Variants in SYT12 observed in about 807,000 individuals in gnomAD.
The protein encoded by SYT12 is synaptotagmin-12.
In SYT12, 27 loss-of-function variants were observed where a neutral mutation model predicts 39.5. The ratio of observed to expected loss-of-function variants is 0.68; its 90% CI spans 0.50 to 0.94. The LOEUF is 0.94. SYT12 is among the 40% of genes least tolerant of loss of function. The probability of loss-of-function intolerance (pLI) is 0.00; values close to 1 mark genes in which losing one functional copy is unlikely to be tolerated. For missense variants in SYT12, 536 were observed against 572.6 expected, an observed-to-expected ratio of 0.94 and a Z score of 0.65; for synonymous variants, 233 against 239.7, an observed-to-expected ratio of 0.97 and a Z score of 0.26.
At chr11:67,022,351 G>GTT (rs942379840), upstream of SYT12, among the ~76,000 whole-genome samples, 32 of 151,736 alleles carry the variant, frequency 2.1e-4, no homozygotes, top group African/African-American at 6.1e-4. Flanking sequence ...ACCCCAGACC[G>GTT]TTGGAGAGGT....
At chr11:67,008,658 C>T (rs796320369) in intron 1 of SYT12, among the ~76,000 whole-genome samples, 2 of 152,234 alleles carry the variant, frequency 1.3e-5, no homozygotes, top group African/African-American at 4.8e-5. Context: ...TCAAGTGATT[C>T]TCCCACCTCA....
intron 7 of SYT12, among the ~76,000 whole-genome samples, chr11:67,046,905 G>A (rs531460589): frequency 6.6e-6 from 1 of 152,110 alleles, no homozygotes; most frequent in Non-Finnish European, 1.5e-5. Context: ...CTGACTGTGC[G>A]CAGGTGCCGT....
intron 7 of SYT12, 114 bp downstream of exon 7, chr11:67,045,991 C>CAAA (rs1854536285): frequency 8.7e-6 from 12 of 1,386,204 alleles, no homozygotes; most frequent in Non-Finnish European, 1.2e-5. Flanking sequence ...TTGCCTCCAG[C>CAAA]CATCACTTTC....
At chr11:67,009,484 G>A (rs1490243024) in intron 1 of SYT12, among the ~76,000 whole-genome samples, 1 of 152,144 alleles carries the variant, frequency 6.6e-6, no homozygotes, top group African/African-American at 2.4e-5. Context: ...TAGAGACTGG[G>A]TTTCACCATG....
chr11:67,018,782 C>T (rs190057630), upstream of SYT12, among the ~76,000 whole-genome samples: 26 of 151,836 alleles, frequency 1.7e-4, no homozygotes, highest in South Asian at 4.2e-4. Context: ...GAGATGGCGC[C>T]GCTGCACTCC....
intron 7 of SYT12, 28 bp downstream of exon 7, chr11:67,045,905 G>A (rs756899712): frequency 4.3e-6 from 7 of 1,613,040 alleles, no homozygotes; most frequent in Non-Finnish European, 5.9e-6. Flanking sequence ...ATGGGAAGGG[G>A]CCAGGTCACC....
At chr11:67,019,538 C>T (rs1421975740), upstream of SYT12, among the ~76,000 whole-genome samples, 2 of 151,966 alleles carry the variant, frequency 1.3e-5, no homozygotes, top group Non-Finnish European at 2.9e-5. Flanking sequence ...GGAAACCGCC[C>T]CCCACGATTC....
chr11:67,045,282 G>C (rs188505300), intron 6 of SYT12, among the ~76,000 whole-genome samples: 1 of 152,040 alleles, frequency 6.6e-6, no homozygotes, highest in Admixed American at 6.6e-5. Context: ...GCCTTGGGGC[G>C]GGGGTAGGTG....
exon 1 of SYT12, chr11:67,007,115 T>A (rs1949976003): frequency 1.3e-5 from 2 of 152,278 alleles, no homozygotes; most frequent in African/African-American, 4.8e-5. Flanking sequence ...TAAGGGCGCC[T>A]GAACACCTGG....
rs889918033 is a variant in SYT12 at position 67,045,828 on chromosome 11, C to A, written c.1043C>A (p.Pro348Gln). Residue 348 changes from proline to glutamine, a missense_variant, in exon 7 of 8, where the codon CCG becomes CAG. By Grantham distance (76) the Pro-to-Gln change is moderately conservative. Coordinates refer to ENST00000527043, the MANE Select transcript of SYT12 (RefSeq NM_177963.4). ...GCCGTGAAGAGGGATGACCCCAACCCGGTGTTCAACGAAGCCATGATCTTC... is the reference window on the plus strand; with the variant it reads ...GCCGTGAAGAGGGATGACCCCAACCAGGTGTTCAACGAAGCCATGATCTTC... ...KTAVKRDDPN[P>Q]VFNEAMIFSV... is the part of the protein sequence containing the mutation. 1 of 1,613,604 alleles carries A rather than the reference C, an allele frequency of 6.2e-7. No individual in the cohort carries two copies. The highest frequency in any genetic ancestry group is 1.1e-5 in the South Asian group (1 of 91,040).
intron 7 of SYT12, among the ~76,000 whole-genome samples, chr11:67,047,777 CTTTTTTTTTTTTTTTTTT>C (rs1173796349): frequency 1.3e-5 from 1 of 76,032 alleles, no homozygotes; most frequent in African/African-American, 6.3e-5. Flanking sequence ...ACCCCCATCT[CTTTTTTTTTTTTTTTTTT>C]TTTTTTTTTT....
intron 1 of SYT12, among the ~76,000 whole-genome samples, chr11:67,008,172 T>G (rs1949986268): frequency 6.6e-6 from 1 of 152,182 alleles, no homozygotes. Flanking sequence ...CAGCCTGGTC[T>G]TGAACTCCTG....
chr11:67,043,952 G>C (rs961402815), intron 5 of SYT12, 99 bp downstream of exon 5: 1 of 1,133,754 alleles, frequency 8.8e-7, no homozygotes, highest in African/African-American at 1.5e-5. Context: ...GCAATAGCCT[G>C]AGCCCCATCA....
intron 7 of SYT12, among the ~76,000 whole-genome samples, chr11:67,046,750 G>A (rs1799513615): frequency 6.6e-6 from 1 of 152,166 alleles, no homozygotes; most frequent in African/African-American, 2.4e-5. Flanking sequence ...GAGACTTCTT[G>A]GGACCATGGG....
chr11:67,015,355 A>G (rs1272575110), intron 3 of SYT12, among the ~76,000 whole-genome samples: 5 of 152,204 alleles, frequency 3.3e-5, no homozygotes, highest in African/African-American at 7.2e-5. Flanking sequence ...CTGGCCTCCA[A>G]TGCAGGCCCA....
chr11:67,009,000 T>G (rs1290522687), intron 1 of SYT12, among the ~76,000 whole-genome samples: 1 of 152,098 alleles, frequency 6.6e-6, no homozygotes, highest in African/African-American at 2.4e-5. Context: ...TTCATGCATG[T>G]GGGTTCTTGG....
chr11:67,046,777 A>G (rs1201669887), intron 7 of SYT12, among the ~76,000 whole-genome samples: 1 of 152,166 alleles, frequency 6.6e-6, no homozygotes, highest in Non-Finnish European at 1.5e-5. Context: ...GGAGGAGGAG[A>G]GAGATCGGGC....
At chr11:67,011,264 C>T (rs900951291) in intron 3 of SYT12, among the ~76,000 whole-genome samples, 10 of 152,018 alleles carry the variant, frequency 6.6e-5, no homozygotes, top group South Asian at 2.1e-4. Flanking sequence ...TGTTTTGAGA[C>T]GGACTTTTGG....
intron 3 of SYT12, among the ~76,000 whole-genome samples, chr11:67,035,747 G>A (rs560743599): frequency 5.9e-4 from 89 of 151,470 alleles, no homozygotes; most frequent in African/African-American, 1.8e-3. Context: ...GTGAGCCACC[G>A]CGCCCGGCCC....
Sources: gnomAD v4.1 joint callset for allele counts (sites outside exome capture counted in the v4.1 genomes callset) on GRCh38, gnomAD v4.1.1 for gene constraint, MANE v1.5 for transcripts, NCBI Gene and HGNC (gene_info 2026-07-23, HGNC 2026-07-21) for gene names.